The following GNA15 variants were observed in gnomAD, a reference collection of about 807,000 sequenced individuals.
GNA15 encodes guanine nucleotide-binding protein subunit alpha-15.
Under a neutral mutation model 40.1 loss-of-function variants are expected in GNA15, and 23 were observed. That is an observed-to-expected ratio of 0.57 (90% CI 0.41 to 0.81). The LOEUF (loss-of-function observed/expected upper bound fraction) is 0.81. GNA15 is among the 40% of genes least tolerant of loss of function. The pLI is 0.00. For missense variants in GNA15, 522 were observed against 515.8 expected (o/e 1.01, Z -0.12); for synonymous variants, 226 against 210.4 (o/e 1.07, Z -0.64).
At position 3,151,169 on chromosome 19, in the gene GNA15, C is replaced by T. The variant is rs1196561019; in HGVS notation, c.486-538C>T. Reference sequence around the variant, plus strand: ...CCCCTGTTTTAGAAGGGACCCTTTTCTGGGAGTGACCCTGTTTCTGAGGGG... The same window carrying T: ...CCCCTGTTTTAGAAGGGACCCTTTTTTGGGAGTGACCCTGTTTCTGAGGGG... On this transcript the variant is annotated intron_variant, in intron 3 of 6. Transcript: ENST00000262958. This position sits in a 1 kb window ranked among gnomAD's most constrained non-coding sequence, Gnocchi z 5.0. Among the ~76,000 whole-genome samples the T allele has an allele frequency of 6.6e-6, 1 of 150,816 alleles. No individual in the cohort carries two copies. Among genetic ancestry groups the T allele is most frequent in the Non-Finnish European group, 1.5e-5 (1 of 67,622 alleles).
intron 1 of GNA15, among the ~76,000 whole-genome samples, chr19:3,137,853 C>T (rs1914488826): frequency 6.6e-6 from 1 of 151,974 alleles, no homozygotes; most frequent in Non-Finnish European, 1.5e-5. Flanking sequence ...CCCAGCTACT[C>T]GGGAGGCTGA....
At chr19:3,144,180 G>A (rs1246582912) in intron 1 of GNA15, among the ~76,000 whole-genome samples, 4 of 150,964 alleles carry the variant, frequency 2.6e-5, no homozygotes, top group Non-Finnish European at 5.9e-5. Flanking sequence ...CAGGACAGAT[G>A]GTGGGACTCC....
At position 3,136,800 on chromosome 19, in the gene GNA15, T is replaced by C. The variant is rs411474; in HGVS notation, c.145+205T>C. On this transcript the variant is annotated intron_variant, in intron 1 of 6. Transcript: ENST00000262958. The surrounding 1 kb of genome is among the most constrained non-coding windows in gnomAD (Gnocchi z 4.9). The stretch of plus-strand genomic sequence containing the variant: ...GAGAAGCCAAGTTCCTTGTCCAACG[T>C]GCGACCAGCGGCCAGGTGCCCAGGC... Among the ~76,000 whole-genome samples, 91,633 of 152,162 alleles carry C rather than the reference T, an allele frequency of 0.6. 27,688 individuals are homozygous for C. The highest frequency in any genetic ancestry group is 0.67 in the Admixed American group (10,246 of 15,294).
intron 2 of GNA15, 180 bp downstream of exon 2, chr19:3,148,955 A>C: frequency 1.7e-6 from 1 of 605,210 alleles, no homozygotes. Flanking sequence ...ATGTGCATAC[A>C]TACAAGTGCA....
intron 1 of GNA15, among the ~76,000 whole-genome samples, chr19:3,146,170 C>T (rs927155055): frequency 3.9e-5 from 6 of 152,168 alleles, no homozygotes; most frequent in Admixed American, 3.3e-4. Context: ...GCCCTCTGCA[C>T]GCCAACCCTG....
chr19:3,147,654 C>G (rs369428309), intron 1 of GNA15, among the ~76,000 whole-genome samples: 1 of 151,810 alleles, frequency 6.6e-6, no homozygotes, highest in Non-Finnish European at 1.5e-5. Context: ...CGCTTGTAAT[C>G]CCAGCACTTT....
In GNA15 at chr19:3,136,649, G is replaced by T. The variant is rs781728223; in HGVS notation, c.145+54G>T. The T allele has an allele frequency of 6.7e-7, 1 of 1,498,168 alleles. No individual in the cohort carries two copies. Among genetic ancestry groups the T allele is most frequent in the Non-Finnish European group, 9.1e-7 (1 of 1,104,676 alleles). The allele number at this position is 1,498,168 out of a possible 1,614,324, so 92.8% of individuals were successfully genotyped here. ...GGTGGGCAGTGGGCGGTGGCCAGCC[G>T]GCAGGGGTGTCGGGGCAAGGAGGCG... On this transcript the variant is annotated intron_variant, in intron 1 of 6. Transcript: ENST00000262958. This position sits in a 1 kb window ranked among gnomAD's most constrained non-coding sequence, Gnocchi z 4.9.
At chr19:3,146,146 C>T (rs554651708) in intron 1 of GNA15, among the ~76,000 whole-genome samples, 11 of 152,214 alleles carry the variant, frequency 7.2e-5, no homozygotes, top group South Asian at 2.1e-4. Context: ...CTGCCTGCAC[C>T]GACCCCTACC....
chr19:3,144,081 G>C (rs187000039), intron 1 of GNA15, among the ~76,000 whole-genome samples: 1 of 147,486 alleles, frequency 6.8e-6, no homozygotes. Context: ...CCGAGATCGC[G>C]ACACTGCACT....
At chr19:3,156,480 A>G (rs947056447) in intron 5 of GNA15, among the ~76,000 whole-genome samples, 3 of 151,740 alleles carry the variant, frequency 2.0e-5, no homozygotes, top group Non-Finnish European at 2.9e-5. Context: ...ACACACACGC[A>G]CACACAGGCA....
intron 6 of GNA15, among the ~76,000 whole-genome samples, chr19:3,158,463 T>G (rs1156293025): frequency 1.3e-5 from 2 of 152,000 alleles, no homozygotes; most frequent in East Asian, 1.9e-4. Flanking sequence ...AACATTTTAT[T>G]TTATGCTTGT....
chr19:3,143,007 G>T, intron 1 of GNA15: 1 of 152,178 alleles, frequency 6.6e-6, no homozygotes, highest in Non-Finnish European at 1.5e-5. Flanking sequence ...AGGAGCTGTC[G>T]AGCCTCCCAG....
At chr19:3,152,811 T>C (rs1914911196) in intron 4 of GNA15, among the ~76,000 whole-genome samples, 1 of 152,150 alleles carries the variant, frequency 6.6e-6, no homozygotes, top group South Asian at 2.1e-4. Flanking sequence ...CCCAAACCTA[T>C]TGTTTTGGCC....
intron 1 of GNA15, among the ~76,000 whole-genome samples, chr19:3,137,418 G>A (rs145208556): frequency 7.7e-4 from 117 of 152,266 alleles, no homozygotes; most frequent in African/African-American, 2.7e-3. Context: ...AGGCCCAGGC[G>A]GGTGGGATCA....
chr19:3,162,731 C>T, intron 6 of GNA15, 62 bp from the exon 7 acceptor site: 1 of 1,134,758 alleles, frequency 8.8e-7, no homozygotes, highest in Non-Finnish European at 1.3e-6. Context: ...AAGAGGGTCT[C>T]CAGAGGCCCC....
Position 3,136,398 on chromosome 19 carries a change from C to G in GNA15, c.-53C>G, listed in dbSNP as rs1013651705. The G allele has an allele frequency of 2.0e-6, 3 of 1,528,280 alleles. No homozygotes were observed. In the African/African-American group the frequency reaches 4.1e-5, roughly 21 times the overall value. The allele number at this position is 1,528,280 out of a possible 1,614,324, so 94.7% of individuals were successfully genotyped here. On this transcript the variant is annotated 5_prime_UTR_variant, in exon 1 of 7. Transcript: ENST00000262958. This position sits in a 1 kb window ranked among gnomAD's most constrained non-coding sequence, Gnocchi z 4.9. ...CCGGCTGGGCTGGGGGTTGCCCTGG[C>G]CAGCAGGGGCCCGGGGGCGATGCCA...
At chr19:3,148,819 C>A in intron 2 of GNA15, 44 bp downstream of exon 2, 2 of 1,531,166 alleles carry the variant, frequency 1.3e-6, no homozygotes, top group Non-Finnish European at 1.8e-6. Flanking sequence ...GGCAGGGGCC[C>A]AGGGCAGGGT....
chr19:3,147,902 A>AG (rs1008456925), intron 1 of GNA15, among the ~76,000 whole-genome samples: 9 of 151,332 alleles, frequency 5.9e-5, no homozygotes, highest in Non-Finnish European at 1.2e-4. Context: ...AAAAAAAAAA[A>AG]AAGAAGAGAA....
chr19:3,140,055 C>CTATCTATCTATCTATCTATGTATCTATG (rs1568292402), intron 1 of GNA15, among the ~76,000 whole-genome samples: 1 of 150,140 alleles, frequency 6.7e-6, no homozygotes, highest in East Asian at 2.0e-4. Context: ...ATCTATCTAT[C>CTATCTATCTATCTATCTATGTATCTATG]TATCTATCTA....
Sources: gnomAD v4.1 joint callset for allele counts (sites outside exome capture counted in the v4.1 genomes callset) on GRCh38, gnomAD v4.1.1 for gene constraint, Gnocchi (gnomAD v3.1) non-coding constraint, MANE v1.5 for transcripts, NCBI Gene and HGNC (gene_info 2026-07-23, HGNC 2026-07-21) for gene names.